The following LEO1 variants were observed in gnomAD, a reference collection of about 807,000 sequenced individuals.
The protein encoded by LEO1 is RNA polymerase-associated protein LEO1.
Under a neutral mutation model 80.4 loss-of-function variants are expected in LEO1, and 34 were observed. The ratio of observed to expected loss-of-function variants is 0.42; its 90% CI spans 0.32 to 0.56. LEO1 has a LOEUF of 0.56. Among genes scored for constraint, LEO1 ranks in the 20% least tolerant of loss-of-function variants. The probability of loss-of-function intolerance (pLI) is 0.10; values close to 1 mark genes in which losing one functional copy is unlikely to be tolerated. For missense variants in LEO1, 631 were observed against 814.2 expected, an observed-to-expected ratio of 0.77 and a Z score of 2.74; for synonymous variants, 262 against 274.9, an observed-to-expected ratio of 0.95 and a Z score of 0.46.
chr15:51,964,208 A>C (rs1186955750), intron 2 of LEO1, among the ~76,000 whole-genome samples: 3 of 151,834 alleles, frequency 2.0e-5, no homozygotes, highest in Non-Finnish European at 4.4e-5. Context: ...TCCGTCTCAA[A>C]AAAAAAAAAA....
At chr15:51,959,150 G>A (rs2057011615) in intron 5 of LEO1, among the ~76,000 whole-genome samples, 2 of 151,990 alleles carry the variant, frequency 1.3e-5, no homozygotes, top group Non-Finnish European at 2.9e-5. Context: ...TTACAGGAAT[G>A]CGCCACCATG....
intron 1 of LEO1, among the ~76,000 whole-genome samples, chr15:51,966,927 A>G (rs532715006): frequency 1.3e-5 from 2 of 152,172 alleles, no homozygotes; most frequent in African/African-American, 4.8e-5. Flanking sequence ...AAAAAAGAAA[A>G]AGAAAAAGAA....
At chr15:51,953,836 G>A (rs118038674) in intron 7 of LEO1, among the ~76,000 whole-genome samples, 2,111 of 151,900 alleles carry the variant, frequency 0.014, 82 homozygotes, top group East Asian at 0.071. Context: ...GGTGGTTGAC[G>A]CCTGTAATCC....
chr15:51,942,996 T>G (rs141037414), intron 11 of LEO1, among the ~76,000 whole-genome samples: 70 of 151,330 alleles, frequency 4.6e-4, no homozygotes, highest in African/African-American at 1.7e-3. Context: ...CTCACGCCTG[T>G]AATCCCAGCA....
chr15:51,969,417 C>G (rs978303708), intron 1 of LEO1, among the ~76,000 whole-genome samples: 1 of 151,796 alleles, frequency 6.6e-6, no homozygotes, highest in African/African-American at 2.4e-5. Context: ...GGCAGATCAC[C>G]TGAGGTCAGG....
At chr15:51,955,733 C>G (rs538724062) in intron 6 of LEO1, among the ~76,000 whole-genome samples, 1 of 152,206 alleles carries the variant, frequency 6.6e-6, no homozygotes, top group Non-Finnish European at 1.5e-5. Flanking sequence ...CCCAGTCCCA[C>G]GGAGATCGTC....
At chr15:51,960,801 T>C in intron 3 of LEO1, 68 bp from the exon 4 acceptor site, 1 of 877,070 alleles carries the variant, frequency 1.1e-6, no homozygotes, top group Non-Finnish European at 1.9e-6. Flanking sequence ...AGCTGATCAC[T>C]TCAACACATT....
chr15:51,950,207 C>T (rs2056938064), intron 9 of LEO1, among the ~76,000 whole-genome samples: 1 of 152,192 alleles, frequency 6.6e-6, no homozygotes, highest in African/African-American at 2.4e-5. Context: ...GAAGGGAGCC[C>T]TGACACTAAC....
chr15:51,966,137 A>G lies in LEO1; in HGVS notation c.426T>C (p.Asp142=). The change falls in exon 2 of 12, where the codon GAT becomes GAC. Residue 142 remains aspartate (D), a synonymous_variant. Coordinates refer to ENST00000299601, the MANE Select transcript of LEO1 (RefSeq NM_138792.4). ...AEGSEKAHSD[D]EKWGREDKSD... is the part of the protein sequence containing the mutation. ...TTTTATCTTCTCTGCCCCATTTTTC[A>G]TCATCTGAATGTGCTTTTTCAGAAC... 1 of 1,613,842 alleles carries G rather than the reference A, an allele frequency of 6.2e-7. No individual in the cohort carries two copies. The highest frequency in any genetic ancestry group is 8.5e-7 in the Non-Finnish European group (1 of 1,180,006).
chr15:51,967,495 T>A (rs2057087358), intron 1 of LEO1, among the ~76,000 whole-genome samples: 1 of 151,984 alleles, frequency 6.6e-6, no homozygotes, highest in South Asian at 2.1e-4. Context: ...AAATGATAGC[T>A]GAAGAACTCC....
At chr15:51,938,496 G>A (rs1430439813) in intron 11 of LEO1, among the ~76,000 whole-genome samples, 3 of 152,212 alleles carry the variant, frequency 2.0e-5, no homozygotes, top group African/African-American at 4.8e-5. Context: ...CAGAAGGGGC[G>A]GGGCTCTCCC....
chr15:51,967,874 T>C (rs1483297943), intron 1 of LEO1, among the ~76,000 whole-genome samples: 1 of 152,210 alleles, frequency 6.6e-6, no homozygotes, highest in Non-Finnish European at 1.5e-5. Flanking sequence ...AAAACTTTTG[T>C]GCAGCAAAGG....
chr15:51,938,446 C>T (rs569816508), intron 11 of LEO1, among the ~76,000 whole-genome samples, 186 bp from the exon 12 acceptor site: 1 of 152,198 alleles, frequency 6.6e-6, no homozygotes, highest in Admixed American at 6.5e-5. Flanking sequence ...CCTTTGAACA[C>T]AGAGTAGGAT....
chr15:51,958,678 T>G, intron 6 of LEO1, 64 bp downstream of exon 6: 1 of 978,078 alleles, frequency 1.0e-6, no homozygotes, highest in Non-Finnish European at 1.6e-6. Flanking sequence ...AGCTCAAGTT[T>G]CAAGTTAGTA....
chr15:51,959,757 G>T, intron 5 of LEO1, 142 bp downstream of exon 5: 2 of 673,622 alleles, frequency 3.0e-6, no homozygotes, highest in Non-Finnish European at 4.8e-6. Context: ...TTCTATCTCA[G>T]GATGTGCTTG....
intron 1 of LEO1, among the ~76,000 whole-genome samples, chr15:51,970,482 T>C (rs2057114237): frequency 6.6e-6 from 1 of 152,168 alleles, no homozygotes; most frequent in Non-Finnish European, 1.5e-5. Context: ...GATTAACAAA[T>C]TTAGGGTGTG....
At chr15:51,967,948 C>A (rs2057091539) in intron 1 of LEO1, among the ~76,000 whole-genome samples, 1 of 152,164 alleles carries the variant, frequency 6.6e-6, no homozygotes, top group African/African-American at 2.4e-5. Context: ...CTTTGGGAAG[C>A]CAAGGTGGCT....
intron 2 of LEO1, among the ~76,000 whole-genome samples, chr15:51,962,927 C>A (rs1555393522): frequency 6.9e-6 from 1 of 145,162 alleles, no homozygotes; most frequent in Non-Finnish European, 1.5e-5. Context: ...CAGAACATGC[C>A]CCCCCCCCAA....
At chr15:51,947,214 A>T in intron 11 of LEO1, 78 bp downstream of exon 11, 1 of 906,160 alleles carries the variant, frequency 1.1e-6, no homozygotes, top group Non-Finnish European at 1.8e-6. Flanking sequence ...TGCCTGCCTG[A>T]TCTGTGAGCT....
Sources: allele counts gnomAD v4.1 joint callset (sites outside exome capture counted in the v4.1 genomes callset), GRCh38; gene constraint gnomAD v4.1.1; transcripts MANE v1.5; gene names NCBI Gene and HGNC (gene_info 2026-07-23, HGNC 2026-07-21).